Variants in RPRD2 observed in about 807,000 individuals in gnomAD.
RPRD2 encodes the protein regulation of nuclear pre-mRNA domain containing 2.
In RPRD2, 12 loss-of-function variants were observed where a neutral mutation model predicts 104.4. The ratio of observed to expected loss-of-function variants is 0.11; its 90% CI spans 0.07 to 0.19. The LOEUF is 0.19. Among genes scored for constraint, RPRD2 ranks in the 10% least tolerant of loss-of-function variants. RPRD2 has a pLI of 1.00. For synonymous variants in RPRD2, 714 were observed against 684.9 expected (o/e 1.04, Z -0.66); for missense variants, 1,543 against 1,790.1 (o/e 0.86, Z 2.49).
intron 1 of RPRD2, among the ~76,000 whole-genome samples, chr1:150,389,885 G>A (rs587658461): frequency 1.3e-5 from 2 of 152,294 alleles, no homozygotes; most frequent in Admixed American, 1.3e-4. Context: ...ACGTTTTCCT[G>A]AAGGCAAACG....
In RPRD2 at chr1:150,476,480, A is replaced by G. The variant is rs1450075581; in HGVS notation, c.*3146A>G. On this transcript the variant is annotated 3_prime_UTR_variant, in exon 11 of 11. Coordinates refer to ENST00000369068, the MANE Select transcript of RPRD2 (RefSeq NM_015203.5). ...TTCTCACGTGTTCGGTGTGGAAAAC[A>G]AAACAAGTACATGCTTTAGAAGCAA... is the stretch of plus-strand genomic sequence containing the variant. 2 of 152,132 alleles carry G rather than the reference A, an allele frequency of 1.3e-5. No homozygotes were observed. The highest frequency in any genetic ancestry group is 2.4e-5 in the African/African-American group (1 of 41,468). The allele number at this position is 152,132 out of a possible 1,614,324, so 9.4% of individuals were successfully genotyped here.
At chr1:150,399,126 G>A (rs1662773145) in intron 1 of RPRD2, among the ~76,000 whole-genome samples, 1 of 151,858 alleles carries the variant, frequency 6.6e-6, no homozygotes, top group African/African-American at 2.4e-5. Flanking sequence ...CCCATCCTTT[G>A]GAGTAGCTGG....
chr1:150,469,181 T>G (rs1402114745), intron 10 of RPRD2, among the ~76,000 whole-genome samples: 1 of 152,210 alleles, frequency 6.6e-6, no homozygotes, highest in Non-Finnish European at 1.5e-5. Context: ...TCACATGAAG[T>G]ATTTTCTTTA....
At chr1:150,434,849 A>G (rs2102335227) in intron 2 of RPRD2, among the ~76,000 whole-genome samples, 1 of 152,240 alleles carries the variant, frequency 6.6e-6, no homozygotes. Context: ...AGAAAGGAAT[A>G]GTTATAAAGA....
intron 1 of RPRD2, among the ~76,000 whole-genome samples, chr1:150,381,208 A>G (rs1040445570): frequency 4.0e-5 from 6 of 151,636 alleles, no homozygotes; most frequent in Non-Finnish European, 8.8e-5. Flanking sequence ...AGATTGCTTG[A>G]GTCCAGGAGT....
At chr1:150,463,834 G>T (rs1412191040) in intron 9 of RPRD2, among the ~76,000 whole-genome samples, 3 of 152,202 alleles carry the variant, frequency 2.0e-5, no homozygotes, top group Admixed American at 1.3e-4. Flanking sequence ...TGAACTGTAG[G>T]TGCCATTTGG....
chr1:150,443,227 A>G lies in RPRD2; in HGVS notation c.515-4A>G, dbSNP rs1259371720. Reference sequence around the variant, plus strand: ...CTTAATGACCTTTTGTTTAATTCCAACAGCATCTACAAATCCAAAAGCTGC... The same window carrying G: ...CTTAATGACCTTTTGTTTAATTCCAGCAGCATCTACAAATCCAAAAGCTGC... On this transcript the variant is annotated splice_region_variant and splice_polypyrimidine_tract_variant and intron_variant, in intron 4 of 10. Transcript: ENST00000369068. 9 of 1,572,424 alleles carry G rather than the reference A, an allele frequency of 5.7e-6. No homozygotes were observed. Among genetic ancestry groups the G allele is most frequent in the Admixed American group, 5.6e-5 (3 of 53,350 alleles).
At chr1:150,417,462 A>T in intron 1 of RPRD2, 134 bp from the exon 2 acceptor site, 1 of 645,390 alleles carries the variant, frequency 1.5e-6, no homozygotes, top group Non-Finnish European at 2.5e-6. Context: ...CCATGTAATT[A>T]CATTCATCTT....
chr1:150,379,082 A>G (rs587740217), intron 1 of RPRD2, among the ~76,000 whole-genome samples: 1 of 151,432 alleles, frequency 6.6e-6, no homozygotes, highest in South Asian at 2.1e-4. Flanking sequence ...GGAGTTCAAG[A>G]CCAGCCTGGC....
At chr1:150,399,653 A>T (rs1553884923) in intron 1 of RPRD2, among the ~76,000 whole-genome samples, 1 of 151,748 alleles carries the variant, frequency 6.6e-6, no homozygotes, top group Non-Finnish European at 1.5e-5. Flanking sequence ...GCTACTTGGG[A>T]GGCTGAGGCA....
chr1:150,438,380 C>T (rs1173774955), intron 2 of RPRD2, among the ~76,000 whole-genome samples: 4 of 152,080 alleles, frequency 2.6e-5, no homozygotes, highest in Non-Finnish European at 5.9e-5. Flanking sequence ...AATCCCAGCA[C>T]TTTGGGAGGC....
rs562476167 is a variant in RPRD2, at chr1:150,387,567, C to CTT, written c.205+22688_205+22689dup. 5.3e-3 allele frequency among the ~76,000 whole-genome samples: 390 copies of CTT among 73,706 alleles called. 51 individuals carry two copies. The highest frequency in any genetic ancestry group is 0.018 in the East Asian group (35 of 1,952). 48.4% of individuals were successfully genotyped at this position (73,706 alleles called of 152,430 possible). On this transcript the variant is annotated intron_variant, in intron 1 of 10. Coordinates refer to ENST00000369068, the MANE Select transcript of RPRD2 (RefSeq NM_015203.5). ...AAATCTTACAGAAGTTGCAACAGAC[C>CTT]TTTTTTTTTTTTTTTTTTTTTTTTT...
intron 1 of RPRD2, among the ~76,000 whole-genome samples, chr1:150,389,242 G>A (rs1661876200): frequency 6.6e-6 from 1 of 151,996 alleles, no homozygotes; most frequent in South Asian, 2.1e-4. Context: ...TAGCAACAGG[G>A]TTTCACCATG....
intron 1 of RPRD2, among the ~76,000 whole-genome samples, chr1:150,407,571 G>A (rs1449699482): frequency 1.3e-5 from 2 of 152,128 alleles, no homozygotes; most frequent in African/African-American, 2.4e-5. Context: ...GAATGATAAT[G>A]TACTCATCCT....
intron 1 of RPRD2, among the ~76,000 whole-genome samples, chr1:150,408,158 A>ATTTTTTTTTTTTTTTTTTTTTTTT (rs10684924): frequency 1.1e-5 from 1 of 95,096 alleles, no homozygotes; most frequent in Non-Finnish European, 2.0e-5. Flanking sequence ...TATTCATATG[A>ATTTTTTTTTTTTTTTTTTTTTTTT]TTTTTTTTTT....
intron 1 of RPRD2, among the ~76,000 whole-genome samples, chr1:150,388,543 G>C (rs886194552): frequency 6.7e-6 from 1 of 148,616 alleles, no homozygotes; most frequent in East Asian, 2.0e-4. Flanking sequence ...CCTGCATCCT[G>C]TTGCCCTTGT....
intron 1 of RPRD2, among the ~76,000 whole-genome samples, chr1:150,379,155 C>T (rs1466063483): frequency 6.0e-5 from 9 of 150,432 alleles, no homozygotes; most frequent in East Asian, 4.0e-4. Flanking sequence ...TGGTGGCGTG[C>T]GCCTGTAATC....
At chr1:150,466,290 A>G (rs1435427992) in intron 10 of RPRD2, among the ~76,000 whole-genome samples, 2 of 151,170 alleles carry the variant, frequency 1.3e-5, no homozygotes, top group African/African-American at 4.9e-5. Flanking sequence ...AGGCAGGAGA[A>G]TGGTGTGAAC....
chr1:150,382,342 G>T (rs1661199648), intron 1 of RPRD2, among the ~76,000 whole-genome samples: 1 of 152,072 alleles, frequency 6.6e-6, no homozygotes, highest in African/African-American at 2.4e-5. Context: ...AATTCATTGA[G>T]AACTTAAGAA....
Sources: gnomAD v4.1 joint callset for allele counts (sites outside exome capture counted in the v4.1 genomes callset) on GRCh38, gnomAD v4.1.1 for gene constraint, MANE v1.5 for transcripts, NCBI Gene and HGNC (gene_info 2026-07-23, HGNC 2026-07-21) for gene names.